Variants in ATP1A3 observed in about 807,000 individuals in gnomAD.
ATP1A3 encodes the protein sodium/potassium-transporting ATPase subunit alpha-3.
ATP1A3 carries 12 observed loss-of-function variants against 108.8 expected under a neutral mutation model. The ratio of observed to expected loss-of-function variants is 0.11; its 90% confidence interval spans 0.07 to 0.18. The LOEUF is 0.18. Among genes scored for constraint, ATP1A3 ranks in the 10% least tolerant of loss-of-function variants. The pLI is 1.00. For synonymous variants in ATP1A3, 539 were observed against 564.5 expected (o/e 0.95, Z 0.64); for missense variants, 498 against 1,387.7 (o/e 0.36, Z 10.19).
chr19:41,978,612 C>T lies in ATP1A3; in HGVS notation c.1624G>A (p.Val542Met). 1.2e-6 allele frequency: 2 copies of T among 1,613,474 alleles called. No individual in the cohort carries two copies. The highest frequency in any genetic ancestry group is 1.7e-6 in the Non-Finnish European group (2 of 1,179,986). Residue 542 changes from valine (V) to methionine (M), a missense_variant, in exon 12 of 23, where the codon GTG becomes ATG. This residue lies in a region of ATP1A3 where 92 missense variants were observed against 168.7 expected (regional missense o/e 0.55). Transcript: ENST00000648268. The surrounding 1 kb of genome is among the most constrained non-coding windows in gnomAD (Gnocchi z 8.3). ...YLELGGLGERVLGFCHYYLPE... is the reference protein window; with the variant it reads ...YLELGGLGERMLGFCHYYLPE... The stretch of plus-strand genomic sequence containing the variant: ...CCGCCCGGCAGCCTCGCACCAAGCA[C>T]GCGCTCGCCCAGGCCACCGAGCTCA...
chr19:41,983,766 ATTTT>A (rs556483707), intron 8 of ATP1A3, among the ~76,000 whole-genome samples: 6 of 101,266 alleles, frequency 5.9e-5, no homozygotes, highest in African/African-American at 1.6e-4. Flanking sequence ...ATTTAAAAAA[ATTTT>A]TTTTTTTTTT....
rs1555865065 is a variant in ATP1A3 at position 41,985,428 on chromosome 19, G to A, written c.607-5C>T. 2 of 1,613,214 alleles carry A rather than the reference G, an allele frequency of 1.2e-6. No individual in the cohort carries two copies. The highest frequency in any genetic ancestry group is 2.2e-5 in the East Asian group (1 of 44,882). On this transcript the variant is annotated splice_region_variant and splice_polypyrimidine_tract_variant and intron_variant, in intron 6 of 22. Transcript: ENST00000648268. The surrounding 1 kb of genome is among the most constrained non-coding windows in gnomAD (Gnocchi z 8.2). ...AGTCAGGGAGGAGTTGTCCACCTGG[G>A]GGTAGGTGCAGCAGAGAGAGGGTTC...
At position 41,988,567 on chromosome 19, in the gene ATP1A3, G is replaced by C. The variant is rs782717626; in HGVS notation, c.7-5C>G. 1.2e-6 allele frequency: 2 copies of C among 1,614,134 alleles called. No homozygotes were observed. The highest frequency in any genetic ancestry group is 2.2e-5 in the South Asian group (2 of 91,078). On this transcript the variant is annotated splice_polypyrimidine_tract_variant and splice_region_variant and intron_variant, in intron 1 of 22. Coordinates refer to ENST00000648268, the MANE Select transcript of ATP1A3 (RefSeq NM_152296.5). This position sits in a 1 kb window ranked among gnomAD's most constrained non-coding sequence, Gnocchi z 5.3. ...GTCCTTGTCATCTTTCTTGTCCTGC[G>C]AGGTGGCGATACGATAGCTGTCAGA...
rs1349627268 is a variant in ATP1A3 at position 41,985,765 on chromosome 19, G to T, written c.606+99C>A. 9 of 1,548,226 alleles carry T rather than the reference G, an allele frequency of 5.8e-6. No individual in the cohort carries two copies. The highest frequency in any genetic ancestry group is 7.9e-6 in the Non-Finnish European group (9 of 1,144,810). ...GACTCCTGGGTCTGAGGGAGGAGGG[G>T]TTGGGACCTGGACTCCTGAGTGTGA... On this transcript the variant is annotated intron_variant, in intron 6 of 22. Transcript: ENST00000648268. The surrounding 1 kb of genome is among the most constrained non-coding windows in gnomAD (Gnocchi z 8.2).
intron 14 of ATP1A3, 97 bp from the exon 15 acceptor site, chr19:41,976,663 A>C (rs900304920): frequency 1.2e-5 from 19 of 1,550,552 alleles, no homozygotes; most frequent in Non-Finnish European, 1.6e-5. Context: ...CCAGCCCCAC[A>C]ACCAGGAGAG....
Position 41,988,580 on chromosome 19 carries a change from G to A in ATP1A3, c.7-18C>T, listed in dbSNP as rs782562097. ...TTCTTGTCCTGCGAGGTGGCGATACGATAGCTGTCAGAGCCACCAGACTGC... is the reference window on the plus strand; with the variant it reads ...TTCTTGTCCTGCGAGGTGGCGATACAATAGCTGTCAGAGCCACCAGACTGC... On this transcript the variant is annotated intron_variant, in intron 1 of 22. Transcript: ENST00000648268. This position sits in a 1 kb window ranked among gnomAD's most constrained non-coding sequence, Gnocchi z 5.3. The A allele has an allele frequency of 3.0e-5, 48 of 1,614,010 alleles. No homozygotes were observed. Among genetic ancestry groups the A allele is most frequent in the Non-Finnish European group, 4.0e-5 (47 of 1,180,046 alleles).
chr19:41,967,980 C>T lies in ATP1A3; in HGVS notation c.2820-217G>A, dbSNP rs2075062228. On this transcript the variant is annotated intron_variant, in intron 20 of 22. Transcript: ENST00000648268. The surrounding 1 kb of genome is among the most constrained non-coding windows in gnomAD (Gnocchi z 4.2). ...AGAGCGATGGTGACACAGAAAGAGA[C>T]AAAAGACAGGGACAGACACAGAGAC... Among the ~76,000 whole-genome samples, 1 of 151,714 alleles carries T rather than the reference C, an allele frequency of 6.6e-6. No homozygotes were observed. Among genetic ancestry groups the T allele is most frequent in the African/African-American group, 2.4e-5 (1 of 41,284 alleles).
At position 41,988,738 on chromosome 19, in the gene ATP1A3, G is replaced by A. The variant is rs1599726535; in HGVS notation, c.7-176C>T. On this transcript the variant is annotated intron_variant, in intron 1 of 22. Transcript: ENST00000648268. The surrounding 1 kb of genome is among the most constrained non-coding windows in gnomAD (Gnocchi z 5.3). ...CTCCCTGTGTCTCCCGGAGCCTCTG[G>A]GTGACTTCACCTCCCTTCTGCCTCT... 7.3e-7 allele frequency: 1 copy of A among 1,364,532 alleles called. No homozygotes were observed. Among genetic ancestry groups the A allele is most frequent in the Non-Finnish European group, 9.8e-7 (1 of 1,020,426 alleles). The allele number at this position is 1,364,532 out of a possible 1,614,324, so 84.5% of individuals were successfully genotyped here. A position where few individuals can be genotyped will look rare whatever the true frequency, so the allele number is the denominator to read the frequency against.
rs2075117401 is a variant in ATP1A3 at position 41,972,233 on chromosome 19, G to A, written c.2264-1691C>T. On this transcript the variant is annotated intron_variant, in intron 16 of 22. Transcript: ENST00000648268. Reference sequence around the variant, plus strand: ...CCATTGCACTCCAGCCTGGGCAACAGAGCAAGACTCCATCTCAAAAAAATA... The same window carrying A: ...CCATTGCACTCCAGCCTGGGCAACAAAGCAAGACTCCATCTCAAAAAAATA... Among the ~76,000 whole-genome samples the A allele has an allele frequency of 2.0e-5, 3 of 152,036 alleles. No homozygotes were observed. The South Asian group carries it at 6.2e-4, about 31-fold the overall frequency.
At chr19:41,969,623 G>A in intron 18 of ATP1A3, 43 bp from the exon 19 acceptor site, 4 of 1,611,256 alleles carry the variant, frequency 2.5e-6, no homozygotes, top group Non-Finnish European at 3.4e-6. Flanking sequence ...CTCAGATTGG[G>A]GCCAGCAGCC....
intron 14 of ATP1A3, 127 bp downstream of exon 14, chr19:41,977,809 C>T: frequency 7.2e-7 from 1 of 1,393,688 alleles, no homozygotes; most frequent in Non-Finnish European, 9.7e-7. Flanking sequence ...AGACCCAGGG[C>T]CTGGTCCATG....
At chr19:41,993,824 T>C in intron 1 of ATP1A3, 2 of 681,450 alleles carry the variant, frequency 2.9e-6, no homozygotes, top group Non-Finnish European at 4.8e-6. Flanking sequence ...CAGGCGGAGA[T>C]GCTGAGGGCT....
At chr19:41,989,342 G>A (rs1429888253) in intron 1 of ATP1A3, among the ~76,000 whole-genome samples, 8 of 138,478 alleles carry the variant, frequency 5.8e-5, no homozygotes, top group South Asian at 2.3e-4. Context: ...TTTTTGAGAC[G>A]GAGTCTCGCT....
rs1046260430 is a variant in ATP1A3, at chr19:41,988,727, C to T, written c.7-165G>A. ...CCTCTCGGGGTCTCCCTGTGTCTCC[C>T]GGAGCCTCTGGGTGACTTCACCTCC... On this transcript the variant is annotated intron_variant, in intron 1 of 22. Coordinates refer to ENST00000648268, the MANE Select transcript of ATP1A3 (RefSeq NM_152296.5). This position sits in a 1 kb window ranked among gnomAD's most constrained non-coding sequence, Gnocchi z 5.3. The T allele has an allele frequency of 1.2e-5, 17 of 1,441,294 alleles. No individual in the cohort carries two copies. The highest frequency in any genetic ancestry group is 7.0e-5 in the Admixed American group (3 of 42,678). The allele number at this position is 1,441,294 out of a possible 1,614,324, so 89.3% of individuals were successfully genotyped here.
chr19:41,967,872 GAC>G lies in ATP1A3; in HGVS notation c.2820-111_2820-110del, dbSNP rs2075061050. The G allele has an allele frequency of 1.1e-6, 1 of 897,518 alleles. No homozygotes were observed. The highest frequency in any genetic ancestry group is 1.6e-5 in the African/African-American group (1 of 60,756). The allele number at this position is 897,518 out of a possible 1,614,324, so 55.6% of individuals were successfully genotyped here. ...GCAGACACCCAGAGACAGCAGCACAGACACAGAGACAGAGAGGCAGAGACATA... is the reference window on the plus strand; with the variant it reads ...GCAGACACCCAGAGACAGCAGCACAGACAGAGACAGAGAGGCAGAGACATA... On this transcript the variant is annotated intron_variant, in intron 20 of 22. Transcript: ENST00000648268. The surrounding 1 kb of genome is among the most constrained non-coding windows in gnomAD (Gnocchi z 4.2).
At position 41,967,222 on chromosome 19, in the gene ATP1A3, C is replaced by T. The variant is rs550716264; in HGVS notation, c.3013+27G>A. 8 of 1,613,960 alleles carry T rather than the reference C, an allele frequency of 5.0e-6. No individual in the cohort carries two copies. The highest frequency in any genetic ancestry group is 1.7e-5 in the Admixed American group (1 of 60,018). On this transcript the variant is annotated intron_variant, in intron 22 of 22. Coordinates refer to ENST00000648268, the MANE Select transcript of ATP1A3 (RefSeq NM_152296.5). This position sits in a 1 kb window ranked among gnomAD's most constrained non-coding sequence, Gnocchi z 4.2. ...TGAGACCCTGCTGCCCCCCGCCCCC[C>T]TCGGCTGCCTTGCCGAGCTCCCTCA...
At chr19:41,993,651 G>A in intron 1 of ATP1A3, 1 of 656,666 alleles carries the variant, frequency 1.5e-6, no homozygotes, top group South Asian at 2.0e-5. Flanking sequence ...AAGCAGGGGG[G>A]CCTCAATAAC....
chr19:41,967,064 G>C lies in ATP1A3; in HGVS notation c.3014-99C>G. 1 of 1,551,606 alleles carries C rather than the reference G, an allele frequency of 6.4e-7. No homozygotes were observed. Among genetic ancestry groups the C allele is most frequent in the Non-Finnish European group, 8.7e-7 (1 of 1,147,002 alleles). On this transcript the variant is annotated intron_variant, in intron 22 of 22. Transcript: ENST00000648268. This position sits in a 1 kb window ranked among gnomAD's most constrained non-coding sequence, Gnocchi z 4.2. ...AGAGAGAGGGACAGAGAGGGAGAGA[G>C]ACAAGGAAACCACACAGACAGAGAC...
At chr19:41,972,804 G>GGGAAGGGAGGAA (rs2075123928) in intron 16 of ATP1A3, among the ~76,000 whole-genome samples, 1 of 74,872 alleles carries the variant, frequency 1.3e-5, no homozygotes, top group Non-Finnish European at 2.6e-5. Flanking sequence ...AGGAAGGAAG[G>GGGAAGGGAGGAA]GGAAGGAAGG....
Sources: gnomAD v4.1 joint callset for allele counts (sites outside exome capture counted in the v4.1 genomes callset) on GRCh38, gnomAD v4.1.1 for gene constraint, gnomAD v4.1.1 regional missense constraint, Gnocchi (gnomAD v3.1) non-coding constraint, MANE v1.5 for transcripts, NCBI Gene and HGNC (gene_info 2026-07-23, HGNC 2026-07-21) for gene names.